Variants in R3HCC1L observed in about 807,000 individuals in gnomAD.
R3HCC1L encodes R3H domain and coiled-coil containing 1 like, also known as coiled-coil domain-containing protein R3HCC1L.
In R3HCC1L, 51 loss-of-function variants were observed where a neutral mutation model predicts 59.9. The observed-to-expected ratio is 0.85, with a 90% CI of 0.68 to 1.07. The LOEUF (loss-of-function observed/expected upper bound fraction) is 1.07, where lower values mean the gene tolerates loss of function less well. R3HCC1L is among the 50% of genes least tolerant of loss of function. The pLI, the probability that R3HCC1L is intolerant of heterozygous loss-of-function variation, is 0.00. For synonymous variants in R3HCC1L, 322 were observed against 315.2 expected (o/e 1.02, Z -0.23); for missense variants, 965 against 933.0 (o/e 1.03, Z -0.45).
chr10:98,185,263 C>G (rs1335972917), intron 4 of R3HCC1L, among the ~76,000 whole-genome samples: 2 of 152,142 alleles, frequency 1.3e-5, no homozygotes, highest in East Asian at 3.9e-4. Context: ...GTGTCTAGGC[C>G]CTGTGCTCAG....
chr10:98,225,934 G>A (rs1469472787), intron 5 of R3HCC1L, among the ~76,000 whole-genome samples: 7 of 151,922 alleles, frequency 4.6e-5, no homozygotes, highest in South Asian at 4.2e-4. Flanking sequence ...TCGACCTCCC[G>A]GACTCAAGCT....
At chr10:98,185,423 C>G (rs866609713) in intron 4 of R3HCC1L, among the ~76,000 whole-genome samples, 7 of 151,892 alleles carry the variant, frequency 4.6e-5, no homozygotes, top group Non-Finnish European at 8.8e-5. Context: ...GAAGGAGGCA[C>G]CCAGTCTTAT....
intron 4 of R3HCC1L, among the ~76,000 whole-genome samples, chr10:98,201,191 C>T (rs944116831): frequency 2.6e-5 from 4 of 152,150 alleles, no homozygotes; most frequent in African/African-American, 7.2e-5. Flanking sequence ...TACTTGTGTG[C>T]TTAATCTGTC....
Position 98,231,427 on chromosome 10 carries a change from G to A in R3HCC1L, c.1786-85G>A, listed in dbSNP as rs913543143. 4.0e-6 allele frequency: 5 copies of A among 1,245,984 alleles called. No individual in the cohort carries two copies. The African/African-American group carries it at 4.6e-5, about 12-fold the overall frequency. 77.2% of individuals were successfully genotyped at this position (1,245,984 alleles called of 1,614,324 possible). A position where few individuals can be genotyped will look rare whatever the true frequency, so the allele number is the denominator to read the frequency against. ...AGGAATGGGAACATGTAGAGAAAGG[G>A]AGGAGGATTGTTTATATATAGGAAT... is the stretch of plus-strand genomic sequence containing the variant. On this transcript the variant is annotated intron_variant, in intron 5 of 9. Transcript: ENST00000298999.
intron 4 of R3HCC1L, chr10:98,174,361 G>T (rs1041163329): frequency 7.5e-5 from 30 of 399,616 alleles, no homozygotes; most frequent in Non-Finnish European, 9.5e-5. Context: ...GGAAGTTATT[G>T]AATTAATTTA....
intron 4 of R3HCC1L, among the ~76,000 whole-genome samples, chr10:98,176,061 A>G (rs149661805): frequency 1.3e-5 from 2 of 152,106 alleles, no homozygotes; most frequent in East Asian, 1.9e-4. Context: ...TCCTTTATAC[A>G]TTTCTTGAAA....
At chr10:98,155,482 G>A (rs994036108) in intron 1 of R3HCC1L, among the ~76,000 whole-genome samples, 7 of 152,062 alleles carry the variant, frequency 4.6e-5, no homozygotes, top group Non-Finnish European at 7.4e-5. Flanking sequence ...CCTTTCGGTT[G>A]AAAATGTTTT....
intron 9 of R3HCC1L, among the ~76,000 whole-genome samples, chr10:98,236,598 C>G (rs1856988236): frequency 6.6e-6 from 1 of 152,198 alleles, no homozygotes; most frequent in African/African-American, 2.4e-5. Context: ...AAGCCAGCAA[C>G]TGACGTTGAT....
chr10:98,164,602 C>G (rs1847756477), intron 4 of R3HCC1L, among the ~76,000 whole-genome samples: 1 of 151,922 alleles, frequency 6.6e-6, no homozygotes, highest in Non-Finnish European at 1.5e-5. Flanking sequence ...TAATTTGCAG[C>G]TGGCTATAAA....
chr10:98,171,563 G>A (rs944194273), intron 4 of R3HCC1L, among the ~76,000 whole-genome samples: 4 of 152,118 alleles, frequency 2.6e-5, no homozygotes, highest in Non-Finnish European at 4.4e-5. Context: ...GTGAATATAG[G>A]CTCAGGATAG....
chr10:98,236,644 G>A (rs1016931578), intron 9 of R3HCC1L, among the ~76,000 whole-genome samples: 2 of 152,206 alleles, frequency 1.3e-5, no homozygotes, highest in African/African-American at 2.4e-5. Context: ...GTCTTTTTAA[G>A]ACAGTCCTGA....
chr10:98,141,673 T>G (rs1845148613), intron 1 of R3HCC1L, among the ~76,000 whole-genome samples: 1 of 152,232 alleles, frequency 6.6e-6, no homozygotes, highest in Non-Finnish European at 1.5e-5. Context: ...TTCACTCACA[T>G]GGCTGGTGAT....
At chr10:98,207,876 C>G (rs1354459092) in intron 4 of R3HCC1L, among the ~76,000 whole-genome samples, 2 of 151,822 alleles carry the variant, frequency 1.3e-5, no homozygotes, top group African/African-American at 2.4e-5. Context: ...AACAAAACCA[C>G]AAAGCCAGGC....
intron 4 of R3HCC1L, among the ~76,000 whole-genome samples, chr10:98,171,545 A>G (rs1479129088): frequency 6.6e-6 from 1 of 152,140 alleles, no homozygotes; most frequent in Non-Finnish European, 1.5e-5. Context: ...AATACAAACT[A>G]ATTCTCTGTG....
At chr10:98,230,027 T>G (rs1856172886) in intron 5 of R3HCC1L, among the ~76,000 whole-genome samples, 1 of 142,540 alleles carries the variant, frequency 7.0e-6, no homozygotes, top group Non-Finnish European at 1.6e-5. Flanking sequence ...ATCAGGGATA[T>G]TGGTCTGAAA....
At position 98,208,828 on chromosome 10, in the gene R3HCC1L, A is replaced by C. The variant is rs7922159; in HGVS notation, c.714A>C (p.Lys238Asn). ...CTGAGAATATGATTGTACCAATAAAACTAAGCTCTGATTCTGAAATTGTAC... is the reference window on the plus strand; with the variant it reads ...CTGAGAATATGATTGTACCAATAAACCTAAGCTCTGATTCTGAAATTGTAC... Reference protein sequence around the residue: ...MKPENMIVPIKLSSDSEIVQQ... With the variant: ...MKPENMIVPINLSSDSEIVQQ... The change falls in exon 5 of 10, where the codon AAA (lysine) becomes AAC (asparagine). Residue 238 changes from lysine to asparagine, a missense_variant. By Grantham distance (94) the Lys-to-Asn change is moderately conservative. Coordinates refer to ENST00000298999, the MANE Select transcript of R3HCC1L (RefSeq NM_001351015.2). 5.3e-4 allele frequency: 851 copies of C among 1,614,094 alleles called. 2 individuals carry two copies. In the African/African-American group the frequency reaches 0.01, roughly 19 times the overall value.
Position 98,202,850 on chromosome 10 carries a change from C to T in R3HCC1L, c.-14-5251C>T, listed in dbSNP as rs1180610525. On this transcript the variant is annotated intron_variant, in intron 4 of 9. Transcript: ENST00000298999. ...CAGCCTGGGTGACAGAGTAAGACTCCGTCACAGGAAAAAAAAAAAAAATAG... is the reference window on the plus strand; with the variant it reads ...CAGCCTGGGTGACAGAGTAAGACTCTGTCACAGGAAAAAAAAAAAAAATAG... Among the ~76,000 whole-genome samples the T allele has an allele frequency of 6.7e-5, 10 of 148,988 alleles. No homozygotes were observed. In the East Asian group the frequency reaches 2.0e-3, roughly 29 times the overall value.
intron 4 of R3HCC1L, among the ~76,000 whole-genome samples, chr10:98,173,235 T>C (rs1848685192): frequency 6.6e-6 from 1 of 152,178 alleles, no homozygotes; most frequent in Non-Finnish European, 1.5e-5. Context: ...GTGTACCATG[T>C]CTTCCTGGTT....
chr10:98,220,515 C>T (rs1222809384), intron 5 of R3HCC1L, among the ~76,000 whole-genome samples: 9 of 147,512 alleles, frequency 6.1e-5, no homozygotes, highest in Admixed American at 6.1e-4. Flanking sequence ...AGGTATCTCT[C>T]CCAATGCTAT....
Sources: gnomAD v4.1 joint callset for allele counts (sites outside exome capture counted in the v4.1 genomes callset) on GRCh38, gnomAD v4.1.1 for gene constraint, MANE v1.5 for transcripts, NCBI Gene and HGNC (gene_info 2026-07-23, HGNC 2026-07-21) for gene names.